Variants in EPHA3 observed in about 807,000 individuals in gnomAD.
EPHA3 encodes ephrin type-A receptor 3.
In EPHA3, 42 loss-of-function variants were observed where a neutral mutation model predicts 107.1. The ratio of observed to expected loss-of-function variants is 0.39; its 90% CI spans 0.31 to 0.51. The LOEUF (loss-of-function observed/expected upper bound fraction) is 0.51, where lower values mean the gene tolerates loss of function less well. Among genes scored for constraint, EPHA3 ranks in the 20% least tolerant of loss-of-function variants. The pLI, the probability that EPHA3 is intolerant of heterozygous loss-of-function variation, is 0.78. For synonymous variants in EPHA3, 461 were observed against 424.8 expected (o/e 1.09, Z -1.05); for missense variants, 1,183 against 1,211.2 (o/e 0.98, Z 0.35).
rs1301060598 is a variant in EPHA3, at chr3:89,395,956, G to A, written c.1426G>A (p.Glu476Lys). ...ATTGGACTACGAGGTCAAATACTAT[G>A]AAAAGGTGGGGAAACAATGTTTAAG... ...IILDYEVKYY[E>K]KQEQETSYTI... Residue 476 changes from glutamate (E) to lysine (K), a missense_variant, in exon 6 of 17, where the codon GAA becomes AAA. By Grantham distance (56) the Glu-to-Lys change is moderately conservative. Coordinates refer to ENST00000336596, the MANE Select transcript of EPHA3 (RefSeq NM_005233.6). 3 of 1,613,704 alleles carry A rather than the reference G, an allele frequency of 1.9e-6. No individual in the cohort carries two copies. The African/African-American group carries it at 4.0e-5, about 22-fold the overall frequency.
chr3:89,204,184 T>G (rs996031562), intron 2 of EPHA3, among the ~76,000 whole-genome samples: 2 of 152,194 alleles, frequency 1.3e-5, no homozygotes, highest in Non-Finnish European at 2.9e-5. Context: ...TTCCCAGATC[T>G]TTTCAGTATA....
At chr3:89,313,312 A>T (rs1316285862) in intron 3 of EPHA3, among the ~76,000 whole-genome samples, 1 of 151,932 alleles carries the variant, frequency 6.6e-6, no homozygotes, top group Non-Finnish European at 1.5e-5. Context: ...ATATGTTTGA[A>T]AAGTTTCATT....
chr3:89,181,674 C>A (rs1200476658), intron 2 of EPHA3, among the ~76,000 whole-genome samples: 1 of 151,864 alleles, frequency 6.6e-6, no homozygotes, highest in Non-Finnish European at 1.5e-5. Flanking sequence ...GATATCAAGA[C>A]CAGCTCCATA....
At chr3:89,323,412 A>T (rs1189598834) in intron 3 of EPHA3, among the ~76,000 whole-genome samples, 2 of 152,154 alleles carry the variant, frequency 1.3e-5, no homozygotes, top group East Asian at 3.9e-4. Flanking sequence ...GAACCTGAGC[A>T]TTCTGAACCT....
At chr3:89,198,567 G>A (rs902710754) in intron 2 of EPHA3, among the ~76,000 whole-genome samples, 1 of 151,996 alleles carries the variant, frequency 6.6e-6, no homozygotes, top group South Asian at 2.1e-4. Flanking sequence ...CAGTAGAAGG[G>A]GTCTCTGTAG....
At chr3:89,355,059 AACCTCTT>A (rs1362124298) in intron 5 of EPHA3, among the ~76,000 whole-genome samples, 1 of 151,098 alleles carries the variant, frequency 6.6e-6, no homozygotes, top group Non-Finnish European at 1.5e-5. Flanking sequence ...ATCCAGAAAT[AACCTCTT>A]ACTCCTTTCC....
At chr3:89,143,834 G>C (rs1178870669) in intron 2 of EPHA3, among the ~76,000 whole-genome samples, 1 of 151,428 alleles carries the variant, frequency 6.6e-6, no homozygotes, top group Non-Finnish European at 1.5e-5. Context: ...TAGTAGGAAG[G>C]AATTTTTTTC....
chr3:89,136,137 C>T (rs549573632), intron 2 of EPHA3, among the ~76,000 whole-genome samples: 66 of 151,916 alleles, frequency 4.3e-4, no homozygotes, highest in African/African-American at 1.5e-3. Flanking sequence ...GAATCACAGT[C>T]CAAATTCTAC....
chr3:89,411,629 A>G (rs1213754632), intron 9 of EPHA3, among the ~76,000 whole-genome samples: 1 of 151,886 alleles, frequency 6.6e-6, no homozygotes, highest in Admixed American at 6.6e-5. Flanking sequence ...GCTTCACAAG[A>G]ACATAAATCG....
chr3:89,140,461 T>C (rs1704408606), intron 2 of EPHA3, among the ~76,000 whole-genome samples: 1 of 151,744 alleles, frequency 6.6e-6, no homozygotes, highest in Admixed American at 6.6e-5. Context: ...ATACATGTTG[T>C]TCATATGTAG....
chr3:89,136,249 T>C (rs778609941), intron 2 of EPHA3, among the ~76,000 whole-genome samples: 3 of 150,676 alleles, frequency 2.0e-5, no homozygotes, highest in Non-Finnish European at 4.4e-5. Flanking sequence ...CTATTTTAAG[T>C]ATGTCACTTT....
At chr3:89,401,420 A>C (rs945996545) in intron 7 of EPHA3, among the ~76,000 whole-genome samples, 10 of 152,294 alleles carry the variant, frequency 6.6e-5, no homozygotes, top group African/African-American at 2.4e-4. Context: ...GATATTAGAA[A>C]CAAAACATGA....
Position 89,423,014 on chromosome 3 carries a change from G to T in EPHA3, c.2074+3624G>T, listed in dbSNP as rs1363078133. On this transcript the variant is annotated intron_variant, in intron 11 of 16. Transcript: ENST00000336596. ...ATCAATTTTAGCTGAAGTTCAAAAG[G>T]ATAGAACTTGTTCTTAGCAAATGTT... Among the ~76,000 whole-genome samples, 6 of 151,364 alleles carry T rather than the reference G, an allele frequency of 4.0e-5. No individual in the cohort carries two copies. In the South Asian group the frequency reaches 1.0e-3, roughly 26 times the overall value.
At chr3:89,333,496 C>A (rs778007508) in intron 3 of EPHA3, among the ~76,000 whole-genome samples, 1 of 151,992 alleles carries the variant, frequency 6.6e-6, no homozygotes, top group Non-Finnish European at 1.5e-5. Flanking sequence ...GGTGTTTGCT[C>A]GATAATGCAC....
intron 5 of EPHA3, among the ~76,000 whole-genome samples, chr3:89,353,091 A>G (rs1443820125): frequency 2.0e-5 from 3 of 151,134 alleles, no homozygotes; most frequent in African/African-American, 7.3e-5. Context: ...CATGTTGAAG[A>G]TATCAGTCAG....
intron 3 of EPHA3, among the ~76,000 whole-genome samples, chr3:89,282,698 T>C (rs1453162027): frequency 6.6e-6 from 1 of 152,106 alleles, no homozygotes; most frequent in Non-Finnish European, 1.5e-5. Flanking sequence ...GGGATTTAAA[T>C]GTAAAAAGTG....
intron 5 of EPHA3, among the ~76,000 whole-genome samples, chr3:89,373,779 C>G (rs781303524): frequency 6.6e-6 from 1 of 151,856 alleles, no homozygotes; most frequent in East Asian, 1.9e-4. Flanking sequence ...CATCCTGGAT[C>G]AGGCTTCTAT....
intron 3 of EPHA3, among the ~76,000 whole-genome samples, chr3:89,338,102 C>T (rs951736249): frequency 5.3e-5 from 8 of 152,096 alleles, no homozygotes; most frequent in African/African-American, 4.8e-5. Flanking sequence ...ATTTCTTTGC[C>T]CACCTTTTTG....
At chr3:89,339,206 A>C (rs1707460444) in intron 3 of EPHA3, among the ~76,000 whole-genome samples, 1 of 151,932 alleles carries the variant, frequency 6.6e-6, no homozygotes, top group Non-Finnish European at 1.5e-5. Flanking sequence ...CTCTGTCTCT[A>C]CTAAAAATAC....
Sources: gnomAD v4.1 joint callset for allele counts (sites outside exome capture counted in the v4.1 genomes callset) on GRCh38, gnomAD v4.1.1 for gene constraint, MANE v1.5 for transcripts, NCBI Gene and HGNC (gene_info 2026-07-23, HGNC 2026-07-21) for gene names.